Variants in PPP3CC observed in about 807,000 individuals in gnomAD.
PPP3CC encodes serine/threonine-protein phosphatase 2B catalytic subunit gamma isoform.
A neutral mutation model predicts 60.3 loss-of-function variants in PPP3CC; 35 were observed. The observed-to-expected ratio is 0.58, with a 90% CI of 0.44 to 0.77. The LOEUF (loss-of-function observed/expected upper bound fraction) is 0.77, where lower values mean the gene tolerates loss of function less well. PPP3CC is among the 30% of genes least tolerant of loss of function. The pLI, the probability that PPP3CC is intolerant of heterozygous loss-of-function variation, is 0.00. For synonymous variants in PPP3CC, 206 were observed against 224.3 expected, an observed-to-expected ratio of 0.92 and a Z score of 0.73; for missense variants, 570 against 628.9, an observed-to-expected ratio of 0.91 and a Z score of 1.00.
Position 22,475,483 on chromosome 8 carries a change from T to C in PPP3CC, c.248-17T>C. ...TAAGGTATAATTTCTCACATCACTT[T>C]ATGCTTTTTTTCCTAGTATGTGGTG... is the stretch of plus-strand genomic sequence containing the variant. On this transcript the variant is annotated splice_polypyrimidine_tract_variant and intron_variant, in intron 2 of 13. Transcript: ENST00000240139. The C allele has an allele frequency of 6.2e-7, 1 of 1,602,980 alleles. No homozygotes were observed.
intron 6 of PPP3CC, among the ~76,000 whole-genome samples, chr8:22,514,969 T>C (rs1054847955): frequency 1.1e-4 from 17 of 152,266 alleles, no homozygotes; most frequent in Non-Finnish European, 2.4e-4. Flanking sequence ...TGAGCCACTG[T>C]GGCCGGCCTC....
chr8:22,539,130 A>G (rs1213816566), intron 12 of PPP3CC, among the ~76,000 whole-genome samples: 1 of 152,168 alleles, frequency 6.6e-6, no homozygotes, highest in Non-Finnish European at 1.5e-5. Context: ...CAAACTAAGG[A>G]TTGTTGTGAT....
At chr8:22,475,897 T>C (rs188606231) in intron 3 of PPP3CC, among the ~76,000 whole-genome samples, 11 of 152,338 alleles carry the variant, frequency 7.2e-5, no homozygotes, top group Non-Finnish European at 7.3e-5. Context: ...GAAGATAGTA[T>C]ACAGGATTGT....
At chr8:22,515,952 A>G (rs879593274) in intron 6 of PPP3CC, among the ~76,000 whole-genome samples, 6 of 144,640 alleles carry the variant, frequency 4.1e-5, no homozygotes, top group African/African-American at 7.8e-5. Flanking sequence ...ATTTTATTTT[A>G]TTTTGAGACA....
At chr8:22,511,623 TA>T (rs1467570195) in intron 5 of PPP3CC, among the ~76,000 whole-genome samples, 2 of 152,190 alleles carry the variant, frequency 1.3e-5, no homozygotes, top group Non-Finnish European at 2.9e-5. Flanking sequence ...CTGAAATCTT[TA>T]AAATATAGAT....
intron 1 of PPP3CC, among the ~76,000 whole-genome samples, chr8:22,458,404 C>G (rs967801518): frequency 2.6e-5 from 4 of 151,884 alleles, no homozygotes; most frequent in African/African-American, 9.7e-5. Flanking sequence ...TTGAGATCAG[C>G]CTGACCAACA....
intron 4 of PPP3CC, among the ~76,000 whole-genome samples, chr8:22,510,524 C>T (rs1839056104): frequency 6.6e-6 from 1 of 152,164 alleles, no homozygotes; most frequent in Non-Finnish European, 1.5e-5. Context: ...CATCCATATA[C>T]TTAAAAGGAT....
At chr8:22,449,020 G>C (rs187789292) in intron 1 of PPP3CC, among the ~76,000 whole-genome samples, 183 of 152,274 alleles carry the variant, frequency 1.2e-3, no homozygotes, top group African/African-American at 4.3e-3. Context: ...TGAAGCGGGA[G>C]GATTGCTTGA....
At chr8:22,488,033 G>A (rs1838275664) in intron 3 of PPP3CC, among the ~76,000 whole-genome samples, 1 of 152,104 alleles carries the variant, frequency 6.6e-6, no homozygotes, top group Non-Finnish European at 1.5e-5. Context: ...AGGCCAAGAA[G>A]CACATCACCA....
At chr8:22,449,266 G>A (rs1006186204) in intron 1 of PPP3CC, among the ~76,000 whole-genome samples, 1 of 151,876 alleles carries the variant, frequency 6.6e-6, no homozygotes, top group African/African-American at 2.4e-5. Context: ...CTGGCAACAT[G>A]GTGAAACCCC....
intron 3 of PPP3CC, among the ~76,000 whole-genome samples, chr8:22,479,457 A>G (rs559353307): frequency 8.6e-5 from 13 of 152,004 alleles, no homozygotes; most frequent in Non-Finnish European, 1.6e-4. Context: ...ATTTTTCTGT[A>G]TTGTTTTCTC....
At chr8:22,489,793 TATTA>T (rs998461491) in intron 3 of PPP3CC, among the ~76,000 whole-genome samples, 10 of 144,662 alleles carry the variant, frequency 6.9e-5, no homozygotes, top group Admixed American at 5.0e-4. Context: ...AGTAAGTATA[TATTA>T]TATACATACA....
chr8:22,486,530 C>G (rs1193379073), intron 3 of PPP3CC, among the ~76,000 whole-genome samples: 5 of 152,170 alleles, frequency 3.3e-5, no homozygotes, highest in Non-Finnish European at 5.9e-5. Context: ...GACCCCCATT[C>G]TACCATTTCA....
intron 6 of PPP3CC, among the ~76,000 whole-genome samples, chr8:22,519,842 G>A (rs1433882389): frequency 2.6e-5 from 4 of 152,124 alleles, no homozygotes; most frequent in African/African-American, 7.2e-5. Flanking sequence ...TTTTAGTAGA[G>A]ATGGGGTTTC....
At chr8:22,497,051 CAG>C (rs1838610205) in intron 3 of PPP3CC, among the ~76,000 whole-genome samples, 2 of 152,072 alleles carry the variant, frequency 1.3e-5, no homozygotes, top group Admixed American at 1.3e-4. Flanking sequence ...TGTTTTGAGA[CAG>C]AGTTTCGCTC....
intron 3 of PPP3CC, among the ~76,000 whole-genome samples, chr8:22,496,102 A>G (rs1405189924): frequency 6.7e-6 from 1 of 149,660 alleles, no homozygotes; most frequent in East Asian, 1.9e-4. Flanking sequence ...TTTTTTTTTA[A>G]AATGGCAACC....
At chr8:22,500,648 A>C (rs1388742131) in intron 4 of PPP3CC, among the ~76,000 whole-genome samples, 1 of 152,180 alleles carries the variant, frequency 6.6e-6, no homozygotes, top group Non-Finnish European at 1.5e-5. Flanking sequence ...GTTGTAATGA[A>C]AACATCCCTC....
chr8:22,511,214 T>A lies in PPP3CC; in HGVS notation c.613T>A (p.Leu205Ile), dbSNP rs1839076884. Residue 205 changes from leucine to isoleucine, a missense_variant, in exon 5 of 14, where the codon TTA becomes ATA. Leu to Ile is a conservative substitution (Grantham distance 5, BLOSUM62 2). Coordinates refer to ENST00000240139, the MANE Select transcript of PPP3CC (RefSeq NM_005605.5). ...HGGMSPEITS[L>I]DDIRKLDRFT... ...AGGAATGTCACCTGAAATTACTTCT[T>A]TAGATGACATTAGGAAAGTAAGTAA... 1 of 1,612,742 alleles carries A rather than the reference T, an allele frequency of 6.2e-7. No individual in the cohort carries two copies. The highest frequency in any genetic ancestry group is 2.2e-5 in the East Asian group (1 of 44,872).
intron 6 of PPP3CC, among the ~76,000 whole-genome samples, chr8:22,521,747 T>C (rs1586860020): frequency 6.6e-6 from 1 of 152,344 alleles, no homozygotes; most frequent in Non-Finnish European, 1.5e-5. Context: ...AGGTTAATTT[T>C]GTATACTCCA....
Sources: allele counts gnomAD v4.1 joint callset (sites outside exome capture counted in the v4.1 genomes callset), GRCh38; gene constraint gnomAD v4.1.1; transcripts MANE v1.5; gene names NCBI Gene and HGNC (gene_info 2026-07-23, HGNC 2026-07-21).